SDK1: variants seen among roughly 807,000 people sequenced by gnomAD.
The protein encoded by SDK1 is protein sidekick-1.
SDK1 carries 157 observed loss-of-function variants against 245.5 expected under a neutral mutation model. The observed-to-expected ratio is 0.64, with a 90% CI of 0.56 to 0.73. SDK1 has a LOEUF of 0.73. Ranked by LOEUF, SDK1 falls within the 30% of genes least tolerant of loss-of-function variation. The pLI, the probability that SDK1 is intolerant of heterozygous loss-of-function variation, is 0.00. For synonymous variants in SDK1, 1,647 were observed against 1,278.5 expected, an observed-to-expected ratio of 1.29 and a Z score of -6.15; for missense variants, 3,583 against 3,002.3, an observed-to-expected ratio of 1.19 and a Z score of -4.52.
At chr7:3,843,989 T>G (rs6953036) in intron 5 of SDK1, among the ~76,000 whole-genome samples, 44,527 of 152,092 alleles carry the variant, frequency 0.29, 7,395 homozygotes, top group African/African-American at 0.44. Flanking sequence ...ATTTATTTAT[T>G]AGACAGAGTC....
In SDK1 at chr7:3,819,648, A is replaced by G. The variant is rs112968531; in HGVS notation, c.714-1802A>G. Among the ~76,000 whole-genome samples, 179 of 152,264 alleles carry G rather than the reference A, an allele frequency of 1.2e-3. 1 individual carries two copies. The highest frequency in any genetic ancestry group is 4.0e-3 in the African/African-American group (167 of 41,582). On this transcript the variant is annotated intron_variant, in intron 4 of 44. Transcript: ENST00000404826. ...CTATAAAGGAGTCATAAATAATTAT[A>G]ATAAAACTCTATTGAAATATTTTTA...
chr7:4,231,601 G>C (rs2128235401), intron 40 of SDK1, among the ~76,000 whole-genome samples: 1 of 139,778 alleles, frequency 7.2e-6, no homozygotes, highest in East Asian at 2.5e-4. Context: ...GAAGAAGAAA[G>C]AAAGAGCAAG....
intron 1 of SDK1, among the ~76,000 whole-genome samples, chr7:3,539,124 C>G (rs1778980255): frequency 6.6e-6 from 1 of 152,172 alleles, no homozygotes; most frequent in Non-Finnish European, 1.5e-5. Context: ...TGTCTTCTTT[C>G]CTCATGCCAC....
intron 22 of SDK1, among the ~76,000 whole-genome samples, chr7:4,100,807 G>A (rs942927950): frequency 6.6e-6 from 1 of 152,212 alleles, no homozygotes; most frequent in African/African-American, 2.4e-5. Flanking sequence ...GGAGAGGGAG[G>A]CTGGACCGCT....
chr7:3,903,293 G>A (rs545280500), intron 5 of SDK1, among the ~76,000 whole-genome samples: 91 of 152,038 alleles, frequency 6.0e-4, no homozygotes, highest in South Asian at 1.9e-3. Flanking sequence ...ACAGGTGCCC[G>A]CCACCATGGC....
intron 22 of SDK1, among the ~76,000 whole-genome samples, chr7:4,094,196 G>A (rs1278560774): frequency 6.6e-6 from 1 of 152,046 alleles, no homozygotes; most frequent in African/African-American, 2.4e-5. Flanking sequence ...AGAGTGGCTG[G>A]GATTACAGGC....
intron 1 of SDK1, among the ~76,000 whole-genome samples, chr7:3,347,803 G>A (rs1030317426): frequency 6.6e-6 from 1 of 151,984 alleles, no homozygotes; most frequent in Non-Finnish European, 1.5e-5. Flanking sequence ...GTTAATACAA[G>A]TTTCTTAAGT....
intron 4 of SDK1, among the ~76,000 whole-genome samples, chr7:3,738,167 G>A (rs1280219979): frequency 1.3e-5 from 2 of 152,148 alleles, no homozygotes; most frequent in African/African-American, 4.8e-5. Context: ...TATTGTAAGT[G>A]CTTTCAATTT....
intron 17 of SDK1, among the ~76,000 whole-genome samples, chr7:4,018,464 G>A (rs1007715820): frequency 3.9e-5 from 6 of 152,200 alleles, no homozygotes; most frequent in Non-Finnish European, 8.8e-5. Flanking sequence ...ATGCAGGACA[G>A]CCAGGAAGGA....
intron 1 of SDK1, chr7:3,338,226 TA>T: frequency 3.4e-6 from 1 of 294,662 alleles, no homozygotes; most frequent in Non-Finnish European, 6.5e-6. Context: ...TGCAAATCTA[TA>T]AGAAAGATGA....
At chr7:4,064,481 G>A (rs1015354405) in intron 19 of SDK1, among the ~76,000 whole-genome samples, 3 of 152,144 alleles carry the variant, frequency 2.0e-5, no homozygotes, top group African/African-American at 7.2e-5. Context: ...ATGTAAATTA[G>A]TACAGCCACA....
At chr7:3,336,413 T>C (rs1270212386) in intron 1 of SDK1, among the ~76,000 whole-genome samples, 3 of 152,038 alleles carry the variant, frequency 2.0e-5, no homozygotes, top group African/African-American at 7.2e-5. Flanking sequence ...GCCAGGGTAG[T>C]GTCAGCAAGG....
At chr7:3,705,568 A>G (rs895888667) in intron 4 of SDK1, among the ~76,000 whole-genome samples, 2 of 151,672 alleles carry the variant, frequency 1.3e-5, no homozygotes, top group African/African-American at 4.8e-5. Context: ...GGTTGTTGGC[A>G]TGTAGCAATG....
chr7:3,994,598 C>A (rs1317321804), intron 14 of SDK1, among the ~76,000 whole-genome samples: 6 of 147,146 alleles, frequency 4.1e-5, no homozygotes, highest in Non-Finnish European at 8.9e-5. Context: ...GCCGCGATCG[C>A]ACCAAGGCAC....
At chr7:3,834,397 C>T (rs1161651966) in intron 5 of SDK1, among the ~76,000 whole-genome samples, 1 of 152,214 alleles carries the variant, frequency 6.6e-6, no homozygotes. Context: ...TGTTAAATGC[C>T]ACACGAAAGG....
chr7:3,488,293 T>C (rs10951207), intron 1 of SDK1, among the ~76,000 whole-genome samples: 28,764 of 152,140 alleles, frequency 0.19, 3,228 homozygotes, highest in South Asian at 0.3. Context: ...TTCTGTGCTT[T>C]CTCTTTCTTT....
intron 1 of SDK1, among the ~76,000 whole-genome samples, chr7:3,331,358 G>C (rs1253901638): frequency 1.3e-5 from 2 of 152,174 alleles, no homozygotes; most frequent in Non-Finnish European, 2.9e-5. Flanking sequence ...GTGTGAAGTG[G>C]TATTTTGTGG....
intron 5 of SDK1, among the ~76,000 whole-genome samples, chr7:3,929,995 C>A (rs893894383): frequency 3.4e-4 from 51 of 152,182 alleles, no homozygotes; most frequent in African/African-American, 1.2e-3. Flanking sequence ...TATTTATTTT[C>A]TTTACCTAAT....
At chr7:3,392,808 T>C (rs781470810) in intron 1 of SDK1, among the ~76,000 whole-genome samples, 2 of 152,204 alleles carry the variant, frequency 1.3e-5, no homozygotes, top group African/African-American at 4.8e-5. Flanking sequence ...CTTTTTTGGC[T>C]GAATAATAAT....
Sources: gnomAD v4.1 joint callset for allele counts (sites outside exome capture counted in the v4.1 genomes callset) on GRCh38, gnomAD v4.1.1 for gene constraint, MANE v1.5 for transcripts, NCBI Gene and HGNC (gene_info 2026-07-23, HGNC 2026-07-21) for gene names.